Variants in ATP10B observed in about 807,000 individuals in gnomAD.
ATP10B encodes the protein phospholipid-transporting ATPase VB.
Under a neutral mutation model 141.2 loss-of-function variants are expected in ATP10B, and 122 were observed. The ratio of observed to expected loss-of-function variants is 0.86; its 90% CI spans 0.75 to 1.00. The LOEUF (loss-of-function observed/expected upper bound fraction) is 1.00, where lower values mean the gene tolerates loss of function less well. Among genes scored for constraint, ATP10B ranks in the 50% least tolerant of loss-of-function variants. The pLI is 0.00. For missense variants in ATP10B, 1,876 were observed against 1,825.3 expected, an observed-to-expected ratio of 1.03 and a Z score of -0.51; for synonymous variants, 685 against 692.0, an observed-to-expected ratio of 0.99 and a Z score of 0.16.
intron 2 of ATP10B, among the ~76,000 whole-genome samples, chr5:160,733,035 T>C (rs891833246): frequency 6.6e-6 from 1 of 152,156 alleles, no homozygotes; most frequent in Non-Finnish European, 1.5e-5. Flanking sequence ...AATATGTAGA[T>C]TGCTTTGGGT....
chr5:160,787,846 C>T lies in ATP10B; in HGVS notation c.-575-2043G>A, dbSNP rs993494262. On this transcript the variant is annotated intron_variant, in intron 1 of 25. Transcript: ENST00000327245. ...TAGATCAGAAGTTATAAACTGGTGG[C>T]CCCATAGTCCGTATCCAGCTAATAG... Among the ~76,000 whole-genome samples, 3 of 152,108 alleles carry T rather than the reference C, an allele frequency of 2.0e-5. No individual in the cohort carries two copies. In the East Asian group the frequency reaches 5.8e-4, roughly 29 times the overall value.
intron 15 of ATP10B, among the ~76,000 whole-genome samples, chr5:160,619,632 C>T (rs1299388009): frequency 2.0e-5 from 3 of 152,174 alleles, no homozygotes; most frequent in Non-Finnish European, 4.4e-5. Flanking sequence ...ATCTACTATC[C>T]TGGGAGAATC....
the ATP10B span, among the ~76,000 whole-genome samples, chr5:160,865,222 A>G: frequency 1.3e-5 from 2 of 152,306 alleles, no homozygotes; most frequent in Non-Finnish European, 1.5e-5. Flanking sequence ...GTAAGAAAAT[A>G]GGCATATAGA....
chr5:160,908,284 T>G, the ATP10B span, among the ~76,000 whole-genome samples: 1 of 152,206 alleles, frequency 6.6e-6, no homozygotes, highest in Non-Finnish European at 1.5e-5. Flanking sequence ...TCCCTTTGTT[T>G]TCCTGCTTTG....
chr5:160,867,226 G>T, the ATP10B span, among the ~76,000 whole-genome samples: 1 of 150,978 alleles, frequency 6.6e-6, no homozygotes, highest in Admixed American at 6.6e-5. Context: ...GGATACAAAA[G>T]TATCTACAGA....
chr5:160,740,938 T>C (rs1167431512), intron 2 of ATP10B, among the ~76,000 whole-genome samples: 6 of 152,230 alleles, frequency 3.9e-5, no homozygotes, highest in African/African-American at 1.4e-4. Flanking sequence ...CCCATCTCAA[T>C]GGGACTTTGT....
chr5:160,635,467 A>G (rs1759295699), intron 11 of ATP10B, among the ~76,000 whole-genome samples: 1 of 152,182 alleles, frequency 6.6e-6, no homozygotes, highest in Admixed American at 6.5e-5. Flanking sequence ...CCATGAGAGG[A>G]TTCTGTACAT....
At chr5:160,853,046 T>C (rs990155009), upstream of ATP10B, among the ~76,000 whole-genome samples, 3 of 152,124 alleles carry the variant, frequency 2.0e-5, no homozygotes, top group Non-Finnish European at 4.4e-5. Flanking sequence ...ACAGATCTTA[T>C]CAGAATACCA....
intron 1 of ATP10B, among the ~76,000 whole-genome samples, chr5:160,825,701 A>C (rs1774546307): frequency 6.6e-6 from 1 of 152,150 alleles, no homozygotes; most frequent in Non-Finnish European, 1.5e-5. Flanking sequence ...CTTTCATTTT[A>C]GATACGGGGA....
At chr5:160,760,246 G>A (rs75242194) in intron 2 of ATP10B, among the ~76,000 whole-genome samples, 1 of 152,184 alleles carries the variant, frequency 6.6e-6, no homozygotes, top group African/African-American at 2.4e-5. Flanking sequence ...TAGCAGGCTT[G>A]TAGCTCAGCA....
intron 5 of ATP10B, chr5:160,687,024 T>A: frequency 1.1e-6 from 1 of 896,958 alleles, no homozygotes; most frequent in Non-Finnish European, 1.3e-6. Context: ...CAGGTCTGTC[T>A]GCAGGAACAT....
At chr5:160,656,185 T>C (rs1303605095) in intron 7 of ATP10B, among the ~76,000 whole-genome samples, 1 of 152,226 alleles carries the variant, frequency 6.6e-6, no homozygotes, top group African/African-American at 2.4e-5. Flanking sequence ...CTTTTGAAAT[T>C]GTTTGTAATG....
At chr5:160,846,123 A>G (rs1043405509) in intron 1 of ATP10B, among the ~76,000 whole-genome samples, 1 of 152,186 alleles carries the variant, frequency 6.6e-6, no homozygotes, top group Non-Finnish European at 1.5e-5. Flanking sequence ...AGGGTAGTGC[A>G]TAAACTAGTG....
At chr5:160,722,700 C>T (rs1018038829) in intron 2 of ATP10B, among the ~76,000 whole-genome samples, 5 of 152,194 alleles carry the variant, frequency 3.3e-5, no homozygotes, top group Non-Finnish European at 7.3e-5. Context: ...CTGGGAACAT[C>T]CAACACTCTT....
In ATP10B at chr5:160,694,498, A is replaced by T. The variant is rs534990901; in HGVS notation, c.-204-5555T>A. 7.9e-5 allele frequency among the ~76,000 whole-genome samples: 12 copies of T among 152,332 alleles called. No individual in the cohort carries two copies. In the South Asian group the frequency reaches 2.3e-3, roughly 29 times the overall value. ...GGTACAATGTCCTCTAGATGATAAG[A>T]AGACAATCCTATATGGGGGACCTTT... On this transcript the variant is annotated intron_variant, in intron 3 of 25. Coordinates refer to ENST00000327245, the MANE Select transcript of ATP10B (RefSeq NM_025153.3).
chr5:160,772,226 G>A (rs747967537), intron 2 of ATP10B, among the ~76,000 whole-genome samples: 12 of 152,186 alleles, frequency 7.9e-5, no homozygotes, highest in African/African-American at 1.7e-4. Context: ...ACTAATCAAC[G>A]TTTCTAATAA....
intron 3 of ATP10B, among the ~76,000 whole-genome samples, chr5:160,695,788 T>C (rs938804719): frequency 2.0e-5 from 3 of 152,142 alleles, no homozygotes; most frequent in African/African-American, 7.2e-5. Flanking sequence ...TATAAAACCC[T>C]GATATTAGAA....
chr5:160,886,306 C>T, the ATP10B span, among the ~76,000 whole-genome samples: 1 of 152,258 alleles, frequency 6.6e-6, no homozygotes, highest in Non-Finnish European at 1.5e-5. Flanking sequence ...AAGAAAGGAA[C>T]ATTTGATGGA....
At chr5:160,670,825 T>C (rs1239543080) in intron 6 of ATP10B, among the ~76,000 whole-genome samples, 158 bp from the exon 7 acceptor site, 1 of 152,108 alleles carries the variant, frequency 6.6e-6, no homozygotes, top group Non-Finnish European at 1.5e-5. Context: ...GACCACCTCA[T>C]AATCTCTCTA....
Sources: allele counts gnomAD v4.1 joint callset (sites outside exome capture counted in the v4.1 genomes callset), GRCh38; gene constraint gnomAD v4.1.1; transcripts MANE v1.5; gene names NCBI Gene and HGNC (gene_info 2026-07-23, HGNC 2026-07-21).